NFRKB: variants seen among roughly 807,000 people sequenced by gnomAD.
The protein encoded by NFRKB is nuclear factor related to kappa-B-binding protein.
In NFRKB, 62 loss-of-function variants were observed where a neutral mutation model predicts 135.7. That is an observed-to-expected ratio of 0.46 (90% CI 0.37 to 0.56). The LOEUF is 0.56. Among genes scored for constraint, NFRKB ranks in the 20% least tolerant of loss-of-function variants. NFRKB has a pLI of 0.00. For missense variants in NFRKB, 1,545 were observed against 1,662.0 expected (o/e 0.93, Z 1.22); for synonymous variants, 678 against 635.6 (o/e 1.07, Z -1.00).
At chr11:129,865,851 T>A in intron 25 of NFRKB, 26 bp downstream of exon 25, 5 of 1,609,940 alleles carry the variant, frequency 3.1e-6, no homozygotes, top group Non-Finnish European at 4.3e-6. Flanking sequence ...CCCGAATTGG[T>A]TCCTTTACCA....
intron 15 of NFRKB, 97 bp from the exon 16 acceptor site, chr11:129,877,482 G>T: frequency 8.8e-7 from 1 of 1,134,810 alleles, no homozygotes; most frequent in Non-Finnish European, 1.3e-6. Flanking sequence ...GACATGGAAA[G>T]ATGTCCCTCA....
rs1011199730 is a variant in NFRKB at position 129,894,717 on chromosome 11, G to A, written c.-101-279C>T. On this transcript the variant is annotated intron_variant, in intron 1 of 26. Transcript: ENST00000682444. ...CATGGTGAAATGACATCCTCATCAT[G>A]CCTATGCCTAAATAAGTGAAGCGGG... is the stretch of plus-strand genomic sequence containing the variant. 2.6e-5 allele frequency among the ~76,000 whole-genome samples: 4 copies of A among 152,194 alleles called. No individual in the cohort carries two copies. In the South Asian group the frequency reaches 8.3e-4, roughly 31 times the overall value.
chr11:129,893,223 A>C, intron 2 of NFRKB: 7 of 595,414 alleles, frequency 1.2e-5, no homozygotes, highest in Non-Finnish European at 1.4e-5. Flanking sequence ...CTCTCCCACA[A>C]TGTAATTTCT....
chr11:129,888,904 A>G (rs1949406159), intron 3 of NFRKB, 109 bp from the exon 4 acceptor site: 1 of 797,722 alleles, frequency 1.3e-6, no homozygotes, highest in Admixed American at 2.7e-5. Flanking sequence ...CAATTTAACC[A>G]TTTTTAAGTG....
chr11:129,894,065 A>G (rs1233653369), intron 2 of NFRKB: 1 of 152,218 alleles, frequency 6.6e-6, no homozygotes, highest in African/African-American at 2.4e-5. Context: ...CCTTCGTGTA[A>G]TAACAGAACA....
intron 15 of NFRKB, among the ~76,000 whole-genome samples, chr11:129,877,840 C>G (rs1242127266): frequency 1.3e-5 from 2 of 152,100 alleles, no homozygotes; most frequent in Non-Finnish European, 2.9e-5. Flanking sequence ...GTCCTGGTGT[C>G]AGAAAACTAC....
rs1565418564 is a variant in NFRKB at position 129,885,563 on chromosome 11, CGGAA to C, written c.508_511del (p.Phe170GlyfsTer23). ...GCGGGATGGTGAAGGGCGTTTCTGC[CGGAA>C]GGGAAGGGCGGGGCCACTCCGCCGG... is the stretch of plus-strand genomic sequence containing the variant. On this transcript the variant is annotated frameshift_variant, in exon 6 of 27. Coordinates refer to ENST00000682444, the MANE Select transcript of NFRKB (RefSeq NM_001143835.2). LOFTEE classifies it high-confidence loss of function. 1 of 1,613,650 alleles carries C rather than the reference CGGAA, an allele frequency of 6.2e-7. No individual in the cohort carries two copies. The highest frequency in any genetic ancestry group is 1.3e-5 in the African/African-American group (1 of 74,918).
rs781099190 is a variant in NFRKB, at chr11:129,874,249, T to C, written c.2143A>G (p.Met715Val). The C allele has an allele frequency of 1.3e-6, 2 of 1,518,068 alleles. No individual in the cohort carries two copies. The highest frequency in any genetic ancestry group is 4.5e-5 in the Admixed American group (2 of 44,132). 94.0% of individuals were successfully genotyped at this position (1,518,068 alleles called of 1,614,324 possible). ...QSQMSLSDSS[M>V]PPTPVTPVTP... ...ACAGGTGTGACTGGGGTGGGTGGCATACTGGAGTCACTGAGGCTCATCTGG... is the reference window on the plus strand; with the variant it reads ...ACAGGTGTGACTGGGGTGGGTGGCACACTGGAGTCACTGAGGCTCATCTGG... The change falls in exon 21 of 27, where the codon ATG (methionine) becomes GTG (valine). Residue 715 changes from methionine to valine, a missense_variant. Around this residue, in one of 3 missense-constraint regions of NFRKB, gnomAD observed 753 missense variants for 804.3 expected, o/e 0.94. Coordinates refer to ENST00000682444, the MANE Select transcript of NFRKB (RefSeq NM_001143835.2). This position sits in a 1 kb window ranked among gnomAD's most constrained non-coding sequence, Gnocchi z 4.5.
rs553281529 is a variant in NFRKB, at chr11:129,885,295, G to C, written c.640+140C>G. 1.1e-5 allele frequency: 10 copies of C among 925,558 alleles called. No homozygotes were observed. In the East Asian group the frequency reaches 2.7e-4, roughly 25 times the overall value. The allele number at this position is 925,558 out of a possible 1,614,324, so 57.3% of individuals were successfully genotyped here. On this transcript the variant is annotated intron_variant, in intron 6 of 26. Coordinates refer to ENST00000682444, the MANE Select transcript of NFRKB (RefSeq NM_001143835.2). ...CAACCCAAAGACCAAGGCCTTCTGA[G>C]TCCCGCTATGCACCCCAGACCAGAC...
chr11:129,870,752 C>T (rs1948460238), intron 23 of NFRKB, among the ~76,000 whole-genome samples: 1 of 152,132 alleles, frequency 6.6e-6, no homozygotes, highest in Non-Finnish European at 1.5e-5. Flanking sequence ...AGGCCAATTC[C>T]CTCATGTGTA....
At position 129,874,902 on chromosome 11, in the gene NFRKB, C is replaced by T. The variant is rs1332614615; in HGVS notation, c.1869G>A (p.Val623=). ...DVTSTQVNTV[V]SGALDRLHYE... ...AATGTAGCCGATCCAGTGCACCACTCACTACTGTATTTACCTACAAATCAG... is the reference window on the plus strand; with the variant it reads ...AATGTAGCCGATCCAGTGCACCACTTACTACTGTATTTACCTACAAATCAG... The change falls in exon 19 of 27, where the codon GTG becomes GTA. Residue 623 remains valine, a synonymous_variant. Transcript: ENST00000682444. The surrounding 1 kb of genome is among the most constrained non-coding windows in gnomAD (Gnocchi z 4.5). 1 of 1,614,172 alleles carries T rather than the reference C, an allele frequency of 6.2e-7. No individual in the cohort carries two copies. Among genetic ancestry groups the T allele is most frequent in the Admixed American group, 1.7e-5 (1 of 60,020 alleles).
chr11:129,878,181 C>G, intron 15 of NFRKB, 128 bp downstream of exon 15: 1 of 939,996 alleles, frequency 1.1e-6, no homozygotes, highest in East Asian at 2.5e-5. Context: ...TCAGGAAGAA[C>G]CAGGGGACTC....
intron 2 of NFRKB, 146 bp from the exon 3 acceptor site, chr11:129,893,016 C>T (rs1949626360): frequency 6.7e-7 from 1 of 1,484,050 alleles, no homozygotes; most frequent in Non-Finnish European, 8.9e-7. Flanking sequence ...CAGCTCTCCT[C>T]CCTCCCTTTC....
intron 4 of NFRKB, chr11:129,888,226 A>G (rs1591530210): frequency 1.8e-6 from 1 of 560,950 alleles, no homozygotes; most frequent in East Asian, 2.9e-5. Flanking sequence ...GTACCTAAAC[A>G]CACACACACA....
intron 2 of NFRKB, 58 bp from the exon 3 acceptor site, chr11:129,892,928 T>C: frequency 6.2e-7 from 1 of 1,609,316 alleles, no homozygotes; most frequent in Non-Finnish European, 8.5e-7. Context: ...ATCTAGTTGA[T>C]GCTAACACTC....
Position 129,892,831 on chromosome 11 carries a change from T to C in NFRKB, c.19A>G (p.Met7Val). MDSLDH[M>V]LTDPLELGPC... Reference sequence around the variant, plus strand: ...CCAAGTTCCAGAGGATCTGTCAGCATATGGTCTAAGGAATCCATTGTTTCT... The same window carrying C: ...CCAAGTTCCAGAGGATCTGTCAGCACATGGTCTAAGGAATCCATTGTTTCT... Residue 7 changes from methionine to valine, a missense_variant, in exon 3 of 27, where the codon ATG becomes GTG. Transcript: ENST00000682444. 1 of 1,614,202 alleles carries C rather than the reference T, an allele frequency of 6.2e-7. No homozygotes were observed. The highest frequency in any genetic ancestry group is 8.5e-7 in the Non-Finnish European group (1 of 1,180,040).
intron 7 of NFRKB, 99 bp downstream of exon 7, chr11:129,884,645 TG>T: frequency 7.4e-7 from 1 of 1,350,874 alleles, no homozygotes; most frequent in Non-Finnish European, 1.0e-6. Flanking sequence ...TTTGTTTTCC[TG>T]GTAGGTAGGA....
Position 129,892,780 on chromosome 11 carries a change from G to C in NFRKB, c.70C>G (p.Arg24Gly), listed in dbSNP as rs556684595. 10 of 1,614,152 alleles carry C rather than the reference G, an allele frequency of 6.2e-6. No individual in the cohort carries two copies. The highest frequency in any genetic ancestry group is 7.6e-6 in the Non-Finnish European group (9 of 1,180,018). Reference sequence around the variant, plus strand: ...CCCAGGAGGCAATCCTCCATGATGCGCGTGCCATGGCCATCTCCACACGGA... The same window carrying C: ...CCCAGGAGGCAATCCTCCATGATGCCCGTGCCATGGCCATCTCCACACGGA... ...LGPCGDGHGT[R>G]IMEDCLLGGT... Residue 24 changes from arginine (R) to glycine (G), a missense_variant, in exon 3 of 27, where the codon CGC (arginine) becomes GGC (glycine). Physicochemically the swap from Arg to Gly is moderately radical, Grantham distance 125. Transcript: ENST00000682444.
In NFRKB at chr11:129,884,631, G is replaced by C; in HGVS notation, c.742+114C>G. 3 of 1,204,296 alleles carry C rather than the reference G, an allele frequency of 2.5e-6. No homozygotes were observed. The South Asian group carries it at 4.2e-5, about 17-fold the overall frequency. The allele number at this position is 1,204,296 out of a possible 1,614,324, so 74.6% of individuals were successfully genotyped here. A position where few individuals can be genotyped will look rare whatever the true frequency, so the allele number is the denominator to read the frequency against. ...GCCAAACAAATCACCTAGTTCTAGG[G>C]AGTTTTGTTTTCCTGGTAGGTAGGA... On this transcript the variant is annotated intron_variant, in intron 7 of 26. Coordinates refer to ENST00000682444, the MANE Select transcript of NFRKB (RefSeq NM_001143835.2).
Sources: gnomAD v4.1 joint callset for allele counts (sites outside exome capture counted in the v4.1 genomes callset) on GRCh38, gnomAD v4.1.1 for gene constraint, gnomAD v4.1.1 regional missense constraint, Gnocchi (gnomAD v3.1) non-coding constraint, MANE v1.5 for transcripts, NCBI Gene and HGNC (gene_info 2026-07-23, HGNC 2026-07-21) for gene names.